The following DEFB131B variants were observed in gnomAD, a reference collection of about 807,000 sequenced individuals.
The protein encoded by DEFB131B is beta-defensin 131B.
Under a neutral mutation model 2.1 loss-of-function variants are expected in DEFB131B, and 2 were observed. The observed-to-expected ratio is 0.94, with a 90% confidence interval of 0.38 to 2.95. The LOEUF is 2.95. DEFB131B is among the 30% of genes most tolerant of loss of function. The probability of loss-of-function intolerance (pLI) is 0.09; values close to 1 mark genes in which losing one functional copy is unlikely to be tolerated. For synonymous variants in DEFB131B, 26 were observed against 25.8 expected (o/e 1.01, Z -0.03); for missense variants, 77 against 78.5 (o/e 0.98, Z 0.07).
chr11:71,880,147 A>C (rs1479330010), intron 1 of DEFB131B, among the ~76,000 whole-genome samples: 1 of 152,214 alleles, frequency 6.6e-6, no homozygotes, highest in Non-Finnish European at 1.5e-5. Context: ...GCCTCAGAAA[A>C]GATAAATAAG....
intron 1 of DEFB131B, among the ~76,000 whole-genome samples, chr11:71,880,449 T>C (rs975702759): frequency 7.9e-5 from 12 of 152,196 alleles, no homozygotes; most frequent in African/African-American, 2.7e-4. Flanking sequence ...AAAGTCTGTT[T>C]ATCTCTTCCA....
intron 1 of DEFB131B, among the ~76,000 whole-genome samples, chr11:71,879,879 A>C (rs1228018887): frequency 6.6e-6 from 1 of 152,122 alleles, no homozygotes; most frequent in African/African-American, 2.4e-5. Flanking sequence ...ATTTAGCATA[A>C]TGTTTTCAAG....
rs762868984 is a variant in DEFB131B, at chr11:71,884,460, C to A, written c.112C>A (p.Leu38Met). 1.2e-6 allele frequency: 2 copies of A among 1,609,088 alleles called. No homozygotes were observed. The highest frequency in any genetic ancestry group is 1.7e-5 in the Admixed American group (1 of 59,842). ...ECPSEYYHCRLKCNADEHAIR... is the reference protein window; with the variant it reads ...ECPSEYYHCRMKCNADEHAIR... ...TCCTTCAGAATATTATCATTGCAGA[C>A]TGAAGTGCAATGCTGATGAACATGC... Residue 38 changes from leucine (L) to methionine (M), a missense_variant, in exon 2 of 2, where the codon CTG becomes ATG. Physicochemically the swap from Leu to Met is conservative, Grantham distance 15 (BLOSUM62 2). Transcript: ENST00000530210.
intron 1 of DEFB131B, among the ~76,000 whole-genome samples, chr11:71,882,783 A>G (rs1952579668): frequency 6.6e-6 from 1 of 152,156 alleles, no homozygotes; most frequent in African/African-American, 2.4e-5. Flanking sequence ...TGGCATCCAA[A>G]CTGTTGGGGG....
intron 1 of DEFB131B, among the ~76,000 whole-genome samples, chr11:71,882,527 A>C (rs1183983218): frequency 6.6e-6 from 1 of 152,236 alleles, no homozygotes; most frequent in Non-Finnish European, 1.5e-5. Flanking sequence ...CACCATGCCC[A>C]GCCTACCCTC....
chr11:71,882,436 G>C (rs1181945238), intron 1 of DEFB131B, among the ~76,000 whole-genome samples: 1 of 152,044 alleles, frequency 6.6e-6, no homozygotes, highest in Admixed American at 6.6e-5. Context: ...TCACTAGTTT[G>C]GCCAGGCTGG....
intron 1 of DEFB131B, among the ~76,000 whole-genome samples, chr11:71,880,461 A>G (rs920912145): frequency 1.1e-4 from 17 of 152,044 alleles, no homozygotes; most frequent in Non-Finnish European, 1.6e-4. Context: ...TCTCTTCCAA[A>G]AGTCAACTTT....
chr11:71,881,313 C>G (rs1222104420), intron 1 of DEFB131B, among the ~76,000 whole-genome samples: 1 of 152,020 alleles, frequency 6.6e-6, no homozygotes, highest in African/African-American at 2.4e-5. Context: ...TCAATTTTGT[C>G]CAATATAAAT....
rs550128665 is a variant in DEFB131B at position 71,884,341 on chromosome 11, T to C, written c.59-66T>C. The C allele has an allele frequency of 1.9e-4, 273 of 1,417,296 alleles. No homozygotes were observed. In the African/African-American group the frequency reaches 3.7e-3, roughly 19 times the overall value. The allele number at this position is 1,417,296 out of a possible 1,614,324, so 87.8% of individuals were successfully genotyped here. On this transcript the variant is annotated intron_variant, in intron 1 of 1. Transcript: ENST00000530210. The stretch of plus-strand genomic sequence containing the variant: ...AATGCTTTTAATTTATTATAAAACA[T>C]TTCAGACATTTAAACATAAAAAGTA...
At chr11:71,883,945 T>C (rs1027832019) in intron 1 of DEFB131B, among the ~76,000 whole-genome samples, 1 of 152,172 alleles carries the variant, frequency 6.6e-6, no homozygotes, top group African/African-American at 2.4e-5. Context: ...GCTTTTCCAC[T>C]TTTCCACCAC....
At chr11:71,881,461 T>C (rs189947067) in intron 1 of DEFB131B, among the ~76,000 whole-genome samples, 24 of 152,270 alleles carry the variant, frequency 1.6e-4, no homozygotes, top group Non-Finnish European at 2.9e-5. Context: ...GTCAGCACAT[T>C]TGGTTTCTCC....
chr11:71,879,122 C>A (rs1229382351), intron 1 of DEFB131B, among the ~76,000 whole-genome samples: 5 of 152,132 alleles, frequency 3.3e-5, no homozygotes, highest in Non-Finnish European at 7.3e-5. Flanking sequence ...CGAATGAAGA[C>A]TAGAAGAAGG....
intron 1 of DEFB131B, among the ~76,000 whole-genome samples, chr11:71,881,659 T>A (rs1289937667): frequency 1.3e-5 from 2 of 152,022 alleles, no homozygotes; most frequent in Non-Finnish European, 2.9e-5. Context: ...TCTTCAAATA[T>A]GATTACATTC....
intron 1 of DEFB131B, among the ~76,000 whole-genome samples, chr11:71,881,844 A>T (rs532588027): frequency 2.6e-5 from 4 of 152,316 alleles, no homozygotes; most frequent in Admixed American, 6.5e-5. Flanking sequence ...TAAAAAGAAC[A>T]GAATATTTAA....
chr11:71,879,056 T>A (rs1418620453), intron 1 of DEFB131B, among the ~76,000 whole-genome samples: 1 of 152,000 alleles, frequency 6.6e-6, no homozygotes, highest in African/African-American at 2.4e-5. Context: ...GATCAAAAGA[T>A]GGTGAGAGGA....
intron 1 of DEFB131B, among the ~76,000 whole-genome samples, chr11:71,880,079 A>C (rs1298167590): frequency 6.6e-6 from 1 of 152,204 alleles, no homozygotes; most frequent in African/African-American, 2.4e-5. Context: ...ATTCTGTATA[A>C]TTATATAAAT....
chr11:71,881,095 T>A (rs1172815808), intron 1 of DEFB131B, among the ~76,000 whole-genome samples: 1 of 152,226 alleles, frequency 6.6e-6, no homozygotes, highest in East Asian at 1.9e-4. Flanking sequence ...ATCTGTTCAA[T>A]GCTGAAAGTG....
chr11:71,879,015 A>T (rs1243730111), intron 1 of DEFB131B, among the ~76,000 whole-genome samples: 1 of 152,164 alleles, frequency 6.6e-6, no homozygotes, highest in Non-Finnish European at 1.5e-5. Flanking sequence ...ATAATCATAA[A>T]AAAAAATAAA....
chr11:71,880,569 T>A (rs1343091339), intron 1 of DEFB131B, among the ~76,000 whole-genome samples: 2 of 152,156 alleles, frequency 1.3e-5, no homozygotes, highest in East Asian at 3.8e-4. Flanking sequence ...TGGATTTCAT[T>A]TTTTCTTGTT....
Sources: gnomAD v4.1 joint callset for allele counts (sites outside exome capture counted in the v4.1 genomes callset) on GRCh38, gnomAD v4.1.1 for gene constraint, MANE v1.5 for transcripts, NCBI Gene and HGNC (gene_info 2026-07-23, HGNC 2026-07-21) for gene names.